Variants in GLCE observed in about 807,000 individuals in gnomAD.
GLCE encodes the protein glucuronic acid epimerase.
GLCE carries 19 observed loss-of-function variants against 47.9 expected under a neutral mutation model. That is an observed-to-expected ratio of 0.40 (90% CI 0.28 to 0.58). The LOEUF (loss-of-function observed/expected upper bound fraction) is 0.58, where lower values mean the gene tolerates loss of function less well. Among genes scored for constraint, GLCE ranks in the 20% least tolerant of loss-of-function variants. The pLI is 0.48. For synonymous variants in GLCE, 245 were observed against 263.4 expected (o/e 0.93, Z 0.68); for missense variants, 556 against 743.3 (o/e 0.75, Z 2.93).
intron 2 of GLCE, among the ~76,000 whole-genome samples, chr15:69,221,284 TG>T (rs1433301971): frequency 6.6e-6 from 1 of 152,238 alleles, no homozygotes; most frequent in Admixed American, 6.5e-5. Context: ...GTGAAAAACA[TG>T]TCATCAGGAT....
chr15:69,193,273 T>C (rs2051940440), intron 1 of GLCE, among the ~76,000 whole-genome samples: 1 of 152,172 alleles, frequency 6.6e-6, no homozygotes, highest in South Asian at 2.1e-4. Flanking sequence ...ATCATAGACT[T>C]GTGCTGCCTT....
intron 1 of GLCE, among the ~76,000 whole-genome samples, chr15:69,165,989 C>G (rs1312407382): frequency 6.6e-6 from 1 of 152,210 alleles, no homozygotes; most frequent in Non-Finnish European, 1.5e-5. Flanking sequence ...GATGGTTACA[C>G]TGTTAAACTT....
At chr15:69,234,185 C>A (rs1387031466) in intron 2 of GLCE, among the ~76,000 whole-genome samples, 2 of 152,088 alleles carry the variant, frequency 1.3e-5, no homozygotes, top group East Asian at 1.9e-4. Flanking sequence ...ACCATGTTGG[C>A]CAGACTGGTC....
chr15:69,237,376 C>T (rs1421474802), intron 2 of GLCE, among the ~76,000 whole-genome samples: 1 of 152,106 alleles, frequency 6.6e-6, no homozygotes, highest in East Asian at 1.9e-4. Context: ...AGGTGGATCA[C>T]CTGAGGTCAG....
chr15:69,251,192 C>G (rs908788744), intron 2 of GLCE, among the ~76,000 whole-genome samples: 1 of 152,084 alleles, frequency 6.6e-6, no homozygotes, highest in African/African-American at 2.4e-5. Flanking sequence ...TCCTGTTAAC[C>G]AGAGATTAAA....
intron 2 of GLCE, among the ~76,000 whole-genome samples, chr15:69,223,506 C>T (rs2052404994): frequency 6.6e-6 from 1 of 152,160 alleles, no homozygotes. Flanking sequence ...AAGATCCTCA[C>T]TTTGTCTTTG....
chr15:69,198,437 G>T (rs2052028857), intron 1 of GLCE, among the ~76,000 whole-genome samples: 1 of 152,116 alleles, frequency 6.6e-6, no homozygotes, highest in South Asian at 2.1e-4. Flanking sequence ...GAACCAATGT[G>T]TTGACAGGGC....
intron 1 of GLCE, chr15:69,196,617 G>A (rs918019123): frequency 4.3e-5 from 7 of 161,306 alleles, no homozygotes; most frequent in South Asian, 1.6e-4. Context: ...TGTTGTGCCC[G>A]GCCATCAAAA....
intron 2 of GLCE, among the ~76,000 whole-genome samples, chr15:69,239,162 CATGTGACTAAG>C (rs1463194809): frequency 6.7e-6 from 1 of 150,194 alleles, no homozygotes; most frequent in Middle Eastern, 3.2e-3. Flanking sequence ...TAGAGGTGGC[CATGTGACTAAG>C]ATTTGACTAA....
At chr15:69,188,158 C>T (rs2051855754) in intron 1 of GLCE, among the ~76,000 whole-genome samples, 1 of 152,062 alleles carries the variant, frequency 6.6e-6, no homozygotes, top group Non-Finnish European at 1.5e-5. Context: ...CAGAGAATCA[C>T]TTGAACTGGG....
chr15:69,201,307 A>G (rs1208754851), intron 1 of GLCE, among the ~76,000 whole-genome samples: 1 of 152,080 alleles, frequency 6.6e-6, no homozygotes, highest in African/African-American at 2.4e-5. Context: ...AGAGGGCTAG[A>G]TCACTGGAGT....
rs567036838 is a variant in GLCE at position 69,245,815 on chromosome 15, G to A, written c.-13-9979G>A. Among the ~76,000 whole-genome samples the A allele has an allele frequency of 3.9e-5, 6 of 152,098 alleles. No homozygotes were observed. The East Asian group carries it at 1.2e-3, about 29-fold the overall frequency. ...ACCGTGTGAGCTCACTGCAACCTCC[G>A]TCTCCTGGGTTCAAGCAATTCTCCT... On this transcript the variant is annotated intron_variant, in intron 2 of 4. Coordinates refer to ENST00000261858, the MANE Select transcript of GLCE (RefSeq NM_015554.3).
intron 2 of GLCE, among the ~76,000 whole-genome samples, chr15:69,219,532 C>G (rs576278482): frequency 6.6e-6 from 1 of 152,056 alleles, no homozygotes; most frequent in East Asian, 1.9e-4. Context: ...GAAAGCAAAG[C>G]CTTTGTAAGT....
chr15:69,241,131 C>G (rs953214563), intron 2 of GLCE, among the ~76,000 whole-genome samples: 9 of 152,140 alleles, frequency 5.9e-5, no homozygotes, highest in Admixed American at 3.3e-4. Context: ...AGAAAACATA[C>G]AAGTTGTTCA....
chr15:69,197,169 T>C, intron 1 of GLCE: 1 of 410,820 alleles, frequency 2.4e-6, no homozygotes, highest in South Asian at 1.8e-5. Flanking sequence ...TGACAATGCG[T>C]CGCACAACCA....
In GLCE at chr15:69,217,557, G is replaced by T. The variant is rs2052323561; in HGVS notation, c.-14+7151G>T. Among the ~76,000 whole-genome samples the T allele has an allele frequency of 3.3e-5, 5 of 152,222 alleles. No individual in the cohort carries two copies. The South Asian group carries it at 1.0e-3, about 32-fold the overall frequency. On this transcript the variant is annotated intron_variant, in intron 2 of 4. Coordinates refer to ENST00000261858, the MANE Select transcript of GLCE (RefSeq NM_015554.3). ...GACTAGGAACTTTGTGACTTCAATTGAGTATGCTTTAGAACCTGAAACATA... is the reference window on the plus strand; with the variant it reads ...GACTAGGAACTTTGTGACTTCAATTTAGTATGCTTTAGAACCTGAAACATA...
intron 1 of GLCE, among the ~76,000 whole-genome samples, chr15:69,179,203 G>A (rs1373417305): frequency 1.3e-5 from 2 of 152,178 alleles, no homozygotes; most frequent in Admixed American, 6.5e-5. Context: ...TCAGATCTCG[G>A]TATGACTGTG....
chr15:69,224,002 C>T lies in GLCE; in HGVS notation c.-14+13596C>T, dbSNP rs1197701153. On this transcript the variant is annotated intron_variant, in intron 2 of 4. Transcript: ENST00000261858. ...CTGCACCTTCCTTTAGTTCTTTGCA[C>T]ATCTTTAAGACAGCATTTAAAGAGC... Among the ~76,000 whole-genome samples, 5 of 152,298 alleles carry T rather than the reference C, an allele frequency of 3.3e-5. 1 individual carries two copies. In the East Asian group the frequency reaches 9.6e-4, roughly 29 times the overall value.
At chr15:69,197,218 C>T in intron 1 of GLCE, 1 of 421,204 alleles carries the variant, frequency 2.4e-6, no homozygotes, top group Non-Finnish European at 4.8e-6. Flanking sequence ...CAAAGTTTTG[C>T]CTCATCCACC....
Sources: allele counts gnomAD v4.1 joint callset (sites outside exome capture counted in the v4.1 genomes callset), GRCh38; gene constraint gnomAD v4.1.1; transcripts MANE v1.5; gene names NCBI Gene and HGNC (gene_info 2026-07-23, HGNC 2026-07-21).